The following TPRA1 variants were observed in gnomAD, a reference collection of about 807,000 sequenced individuals.
TPRA1 encodes the protein transmembrane protein adipocyte-associated 1.
A neutral mutation model predicts 40.1 loss-of-function variants in TPRA1; 28 were observed. The ratio of observed to expected loss-of-function variants is 0.70; its 90% CI spans 0.52 to 0.96. The LOEUF (loss-of-function observed/expected upper bound fraction) is 0.96, where lower values mean the gene tolerates loss of function less well. Among genes scored for constraint, TPRA1 ranks in the 40% least tolerant of loss-of-function variants. The pLI is 0.00. For synonymous variants in TPRA1, 219 were observed against 209.7 expected, an observed-to-expected ratio of 1.04 and a Z score of -0.38; for missense variants, 441 against 482.6, an observed-to-expected ratio of 0.91 and a Z score of 0.81.
chr3:127,575,636 CCAGCTCCCAGCCTGGAACTCTA>C, intron 8 of TPRA1, 91 bp downstream of exon 8: 1 of 1,505,488 alleles, frequency 6.6e-7, no homozygotes, highest in Non-Finnish European at 9.2e-7. Context: ...CCAGGGCTCT[CCAGCTCCCAGCCTGGAACTCTA>C]CAGCTCCAGC....
Position 127,573,802 on chromosome 3 carries a change from AAG to A in TPRA1, c.855-16_855-15del, listed in dbSNP as rs774690903. The A allele has an allele frequency of 6.5e-7, 1 of 1,543,026 alleles. No homozygotes were observed. Among genetic ancestry groups the A allele is most frequent in the South Asian group, 1.2e-5 (1 of 81,856 alleles). On this transcript the variant is annotated splice_polypyrimidine_tract_variant and intron_variant, in intron 10 of 10. Transcript: ENST00000355552. ...TTGGGCTCCGAGCTGATAAAAGGAA[AAG>A]AGGGGCATGGAAGCCTCACTGAGTG...
rs1559835784 is a variant in TPRA1 at position 127,576,924 on chromosome 3, G to A, written c.346-31C>T. The A allele has an allele frequency of 6.2e-7, 1 of 1,613,602 alleles. No individual in the cohort carries two copies. Among genetic ancestry groups the A allele is most frequent in the Admixed American group, 1.7e-5 (1 of 60,028 alleles). On this transcript the variant is annotated intron_variant, in intron 4 of 10. Transcript: ENST00000355552. This position sits in a 1 kb window ranked among gnomAD's most constrained non-coding sequence, Gnocchi z 4.6. ...CGCAGAGTGGGCACAGCGTCAGCCT[G>A]GACCAGCATCCCCAGCCCACCCCAG...
intron 1 of TPRA1, among the ~76,000 whole-genome samples, chr3:127,581,397 C>T (rs1576380269): frequency 6.6e-6 from 1 of 152,128 alleles, no homozygotes; most frequent in Non-Finnish European, 1.5e-5. Flanking sequence ...AGTGATATAG[C>T]GTGAAGCCAG....
chr3:127,583,726 A>G (rs1302651009), intron 1 of TPRA1, among the ~76,000 whole-genome samples: 1 of 151,238 alleles, frequency 6.6e-6, no homozygotes. Context: ...GCTAGAGTGC[A>G]GTGGCGTGAT....
intron 1 of TPRA1, among the ~76,000 whole-genome samples, chr3:127,586,227 C>T (rs1236645975): frequency 2.0e-5 from 3 of 152,208 alleles, no homozygotes; most frequent in African/African-American, 2.4e-5. Flanking sequence ...GTGTGCAGCG[C>T]GCCTCCTGCA....
Position 127,573,632 on chromosome 3 carries a change from C to T in TPRA1, c.1011G>A (p.Gln337=). The T allele has an allele frequency of 6.2e-7, 1 of 1,613,360 alleles. No homozygotes were observed. The highest frequency in any genetic ancestry group is 1.1e-5 in the South Asian group (1 of 91,080). Reference sequence around the variant, plus strand: ...AGGCCACCCCGCCGGCAGAGTCGAACTGCGTGCTCGAGTAGCTGGCAGCTG... The same window carrying T: ...AGGCCACCCCGCCGGCAGAGTCGAATTGCGTGCTCGAGTAGCTGGCAGCTG... ...GASAASYSST[Q]FDSAGGVAYL... The change falls in exon 11 of 11, where the codon CAG becomes CAA. Residue 337 remains glutamine, a synonymous_variant. Coordinates refer to ENST00000355552, the MANE Select transcript of TPRA1 (RefSeq NM_001136053.4).
chr3:127,588,705 G>C (rs528043741), intron 1 of TPRA1, among the ~76,000 whole-genome samples: 7 of 152,282 alleles, frequency 4.6e-5, no homozygotes, highest in African/African-American at 1.4e-4. Context: ...ACAGGCATGA[G>C]CCACTGCGCC....
At chr3:127,596,909 G>C (rs1047563847) in intron 1 of TPRA1, among the ~76,000 whole-genome samples, 1 of 152,202 alleles carries the variant, frequency 6.6e-6, no homozygotes, top group African/African-American at 2.4e-5. Flanking sequence ...CTTGTCAGGA[G>C]TTGGAGACCA....
chr3:127,577,188 G>A, intron 3 of TPRA1, 112 bp from the exon 4 acceptor site: 2 of 1,099,730 alleles, frequency 1.8e-6, no homozygotes, highest in Admixed American at 2.0e-5. Context: ...AGGTCGGAAA[G>A]GAGGAAGGCG....
In TPRA1 at chr3:127,572,231, A is replaced by T. The variant is rs34295204; in HGVS notation, c.*1290T>A. Among the ~76,000 whole-genome samples the T allele has an allele frequency of 2.5e-3, 363 of 147,250 alleles. 1 individual carries two copies. Among genetic ancestry groups the T allele is most frequent in the Non-Finnish European group, 4.4e-3 (289 of 66,062 alleles). On this transcript the variant is annotated 3_prime_UTR_variant, in exon 11 of 11. Coordinates refer to ENST00000355552, the MANE Select transcript of TPRA1 (RefSeq NM_001136053.4). ...TGCCCTCGGCACCCCATTCCCCCCT[A>T]AAAAAAAAAGGCTGATCGCGGAGGC...
At chr3:127,595,143 G>A (rs1171641888), upstream of TPRA1, among the ~76,000 whole-genome samples, 18 of 152,244 alleles carry the variant, frequency 1.2e-4, no homozygotes, top group Admixed American at 1.2e-3. Context: ...GTCCTATGCT[G>A]TTGGGAGGAG....
intron 1 of TPRA1, 53 bp downstream of exon 1, chr3:127,590,345 CCGGGGCGAGGGA>C (rs1292543629): frequency 1.3e-5 from 2 of 152,280 alleles, no homozygotes; most frequent in African/African-American, 4.8e-5. Context: ...GGGCTTCCCG[CCGGGGCGAGGGA>C]CGGGGCTCCC....
chr3:127,585,658 G>A (rs367821057), intron 1 of TPRA1, among the ~76,000 whole-genome samples: 2 of 152,188 alleles, frequency 1.3e-5, no homozygotes, highest in Non-Finnish European at 2.9e-5. Context: ...GGCCAAAGAC[G>A]GCTGATGGTG....
chr3:127,593,505 A>G (rs2107677634), upstream of TPRA1, among the ~76,000 whole-genome samples: 1 of 152,332 alleles, frequency 6.6e-6, no homozygotes, highest in South Asian at 2.1e-4. Flanking sequence ...TCCTTGGTCT[A>G]TGGGGTGAGA....
In TPRA1 at chr3:127,572,505, A is replaced by G. The variant is rs1286907567; in HGVS notation, c.*1016T>C. On this transcript the variant is annotated 3_prime_UTR_variant, in exon 11 of 11. Coordinates refer to ENST00000355552, the MANE Select transcript of TPRA1 (RefSeq NM_001136053.4). ...CTTATGATCCCAGTGCTTTGCTCTGATTTACTCCCATTTTCAGCCAACCAC... is the reference window on the plus strand; with the variant it reads ...CTTATGATCCCAGTGCTTTGCTCTGGTTTACTCCCATTTTCAGCCAACCAC... 6.6e-6 allele frequency among the ~76,000 whole-genome samples: 1 copy of G among 152,134 alleles called. No individual in the cohort carries two copies. The highest frequency in any genetic ancestry group is 1.5e-5 in the Non-Finnish European group (1 of 68,024).
At chr3:127,583,389 T>C (rs1216622938) in intron 1 of TPRA1, among the ~76,000 whole-genome samples, 1 of 151,452 alleles carries the variant, frequency 6.6e-6, no homozygotes, top group African/African-American at 2.4e-5. Context: ...TCCCAGCTAA[T>C]AGGAAGGCTG....
chr3:127,592,132 T>A (rs1033432443), upstream of TPRA1, among the ~76,000 whole-genome samples: 1 of 152,166 alleles, frequency 6.6e-6, no homozygotes, highest in African/African-American at 2.4e-5. Flanking sequence ...GGGAATCCAG[T>A]GGCTCCTCAA....
At position 127,576,811 on chromosome 3, in the gene TPRA1, G is replaced by T; in HGVS notation, c.418+10C>A. ...ATCGCCAGGGCCCAAGAGCCCAGCG[G>T]TACACACACCAAAGGCCAGGCCCAG... On this transcript the variant is annotated intron_variant, in intron 5 of 10. Coordinates refer to ENST00000355552, the MANE Select transcript of TPRA1 (RefSeq NM_001136053.4). This position sits in a 1 kb window ranked among gnomAD's most constrained non-coding sequence, Gnocchi z 4.6. The T allele has an allele frequency of 6.2e-7, 1 of 1,613,814 alleles. No individual in the cohort carries two copies. The highest frequency in any genetic ancestry group is 8.5e-7 in the Non-Finnish European group (1 of 1,180,006).
intron 1 of TPRA1, chr3:127,587,057 C>T (rs985539728): frequency 6.6e-6 from 1 of 152,196 alleles, no homozygotes; most frequent in Non-Finnish European, 1.5e-5. Flanking sequence ...AGGGAATGCA[C>T]CTGTGATCTA....
Sources: allele counts gnomAD v4.1 joint callset (sites outside exome capture counted in the v4.1 genomes callset), GRCh38; gene constraint gnomAD v4.1.1; non-coding constraint Gnocchi (gnomAD v3.1); transcripts MANE v1.5; gene names NCBI Gene and HGNC (gene_info 2026-07-23, HGNC 2026-07-21).